The following ANO3 variants were observed in gnomAD, a reference collection of about 807,000 sequenced individuals.
ANO3 encodes the protein anoctamin 3, also known as anoctamin-3.
In ANO3, 99 loss-of-function variants were observed where a neutral mutation model predicts 144.8. The ratio of observed to expected loss-of-function variants is 0.68; its 90% CI spans 0.58 to 0.81. The LOEUF is 0.81. Ranked by LOEUF, ANO3 falls within the 30% of genes least tolerant of loss-of-function variation. The probability of loss-of-function intolerance (pLI) is 0.00; values close to 1 mark genes in which losing one functional copy is unlikely to be tolerated. For missense variants in ANO3, 905 were observed against 1,202.2 expected (o/e 0.75, Z 3.66); for synonymous variants, 414 against 392.6 (o/e 1.05, Z -0.64).
rs370520769 is a variant in ANO3 at position 26,241,679 on chromosome 11, T to C, written c.154+52349T>C. Reference sequence around the variant, plus strand: ...ATTGGCAGAACATTTATTACATTAATAAAATCTAATATAATAATTTTAAAG... The same window carrying C: ...ATTGGCAGAACATTTATTACATTAACAAAATCTAATATAATAATTTTAAAG... On this transcript the variant is annotated intron_variant, in intron 1 of 27. Transcript: ENST00000672621. 3.9e-5 allele frequency among the ~76,000 whole-genome samples: 6 copies of C among 152,220 alleles called. No homozygotes were observed. In the South Asian group the frequency reaches 6.2e-4, roughly 16 times the overall value.
chr11:26,598,201 TTAA>T (rs1211269502), intron 14 of ANO3, among the ~76,000 whole-genome samples, 161 bp from the exon 15 acceptor site: 1 of 152,192 alleles, frequency 6.6e-6, no homozygotes, highest in Non-Finnish European at 1.5e-5. Flanking sequence ...GATACACTAA[TTAA>T]TGATGTATAA....
At chr11:26,454,081 G>A (rs1312885326) in intron 3 of ANO3, among the ~76,000 whole-genome samples, 1 of 152,040 alleles carries the variant, frequency 6.6e-6, no homozygotes, top group Non-Finnish European at 1.5e-5. Flanking sequence ...AAAGCAGTGT[G>A]TAGAGGAAAA....
At chr11:26,221,745 G>A (rs1369904468) in intron 1 of ANO3, among the ~76,000 whole-genome samples, 1 of 152,052 alleles carries the variant, frequency 6.6e-6, no homozygotes, top group Non-Finnish European at 1.5e-5. Context: ...CACATAGTGA[G>A]AGTGGGTGCA....
intron 1 of ANO3, among the ~76,000 whole-genome samples, chr11:26,342,823 A>AT (rs541531401): frequency 0.014 from 2,150 of 151,752 alleles, 47 homozygotes; most frequent in African/African-American, 0.048. Context: ...TTATCACTTT[A>AT]TTTTTTTTAT....
intron 4 of ANO3, among the ~76,000 whole-genome samples, chr11:26,486,326 A>C (rs184940593): frequency 2.1e-4 from 30 of 141,082 alleles, no homozygotes; most frequent in African/African-American, 7.6e-4. Context: ...ATGCCACTGC[A>C]CTCCAGTCTG....
chr11:26,553,404 A>C, intron 13 of ANO3, 59 bp downstream of exon 13: 6 of 1,171,938 alleles, frequency 5.1e-6, no homozygotes, highest in Non-Finnish European at 7.5e-6. Context: ...GGCTGTAAGA[A>C]GTCCTCTAGT....
At chr11:26,537,539 T>C in intron 10 of ANO3, 78 bp downstream of exon 10, 2 of 1,216,256 alleles carry the variant, frequency 1.6e-6, no homozygotes, top group South Asian at 1.2e-5. Context: ...TGCATTTGAA[T>C]CTAGCTGTCC....
At chr11:26,321,686 G>A (rs1854765371) in intron 1 of ANO3, among the ~76,000 whole-genome samples, 2 of 151,986 alleles carry the variant, frequency 1.3e-5, no homozygotes, top group South Asian at 4.1e-4. Flanking sequence ...ATCTGAAGAA[G>A]CTATTCTAGC....
In ANO3 at chr11:26,641,882, G is replaced by T. The variant is rs1410211610; in HGVS notation, c.2142-14G>T. ...ATCAGAGCTCAAAAGTCCTTGGTCTGCTCTGTGATGTAGGTTGATCCAGAA... is the reference window on the plus strand; with the variant it reads ...ATCAGAGCTCAAAAGTCCTTGGTCTTCTCTGTGATGTAGGTTGATCCAGAA... On this transcript the variant is annotated splice_polypyrimidine_tract_variant and intron_variant, in intron 21 of 26. Transcript: ENST00000256737. The T allele has an allele frequency of 1.2e-6, 2 of 1,613,436 alleles. No homozygotes were observed. Among genetic ancestry groups the T allele is most frequent in the Non-Finnish European group, 1.7e-6 (2 of 1,179,674 alleles).
At chr11:26,269,782 T>A (rs929597077) in intron 1 of ANO3, among the ~76,000 whole-genome samples, 4 of 152,192 alleles carry the variant, frequency 2.6e-5, no homozygotes, top group African/African-American at 7.2e-5. Context: ...TTGACAGTTA[T>A]GAGCTAAATT....
intron 3 of ANO3, among the ~76,000 whole-genome samples, chr11:26,460,889 G>T (rs1313661280): frequency 1.3e-5 from 2 of 152,000 alleles, no homozygotes; most frequent in Non-Finnish European, 2.9e-5. Flanking sequence ...AGAGTTTAGA[G>T]GACCCTTAGA....
intron 1 of ANO3, among the ~76,000 whole-genome samples, chr11:26,438,261 G>C (rs1307479149): frequency 2.0e-5 from 3 of 152,100 alleles, no homozygotes; most frequent in Non-Finnish European, 2.9e-5. Context: ...TAAAACACCT[G>C]ACCAAAAGCA....
chr11:26,457,824 G>C (rs1243128981), intron 3 of ANO3, among the ~76,000 whole-genome samples: 1 of 151,424 alleles, frequency 6.6e-6, no homozygotes, highest in African/African-American at 2.4e-5. Context: ...CTAGAGAACA[G>C]CAAGAGTTCT....
chr11:26,395,567 G>A (rs1384646962), intron 1 of ANO3, among the ~76,000 whole-genome samples: 1 of 152,036 alleles, frequency 6.6e-6, no homozygotes, highest in Non-Finnish European at 1.5e-5. Flanking sequence ...CTCAGGATTT[G>A]GCTCTCTGTT....
chr11:26,610,201 G>A lies in ANO3; in HGVS notation c.1836+10487G>A, dbSNP rs546985899. Among the ~76,000 whole-genome samples, 137 of 152,214 alleles carry A rather than the reference G, an allele frequency of 9.0e-4. 1 individual carries two copies. The highest frequency in any genetic ancestry group is 8.7e-3 in the Admixed American group (133 of 15,290). ...GCTGGGATTACAGGCGTAAGCCACC[G>A]CTCCCGGCCTACTTTGTATTTTTGA... On this transcript the variant is annotated intron_variant, in intron 17 of 26. Transcript: ENST00000256737.
chr11:26,243,816 T>C (rs1457687113), intron 1 of ANO3, among the ~76,000 whole-genome samples: 1 of 151,918 alleles, frequency 6.6e-6, no homozygotes, highest in Non-Finnish European at 1.5e-5. Context: ...GAAGCCATGG[T>C]ATGTGTTGTT....
chr11:26,450,963 A>G (rs954381932), intron 3 of ANO3, among the ~76,000 whole-genome samples: 7 of 152,244 alleles, frequency 4.6e-5, no homozygotes, highest in African/African-American at 1.2e-4. Flanking sequence ...GCTATATTAT[A>G]TTGGTCAGTT....
intron 1 of ANO3, among the ~76,000 whole-genome samples, chr11:26,326,144 C>A (rs983254472): frequency 1.3e-5 from 2 of 152,054 alleles, no homozygotes; most frequent in Non-Finnish European, 2.9e-5. Context: ...ACATAGTTAT[C>A]ATTTTTCCCT....
intron 1 of ANO3, among the ~76,000 whole-genome samples, chr11:26,401,834 G>A (rs910568531): frequency 1.3e-5 from 2 of 151,968 alleles, no homozygotes; most frequent in African/African-American, 4.8e-5. Flanking sequence ...CCAAAATTGT[G>A]CCATAGTCTA....
Sources: allele counts gnomAD v4.1 joint callset (sites outside exome capture counted in the v4.1 genomes callset), GRCh38; gene constraint gnomAD v4.1.1; transcripts MANE v1.5; gene names NCBI Gene and HGNC (gene_info 2026-07-23, HGNC 2026-07-21).